VARS2: variants seen among roughly 807,000 people sequenced by gnomAD.
The protein encoded by VARS2 is valine--tRNA ligase, mitochondrial.
In VARS2, 105 loss-of-function variants were observed where a neutral mutation model predicts 154.1. The observed-to-expected ratio is 0.68, with a 90% CI of 0.58 to 0.80. The LOEUF is 0.80. Ranked by LOEUF, VARS2 falls within the 30% of genes least tolerant of loss-of-function variation. VARS2 has a pLI of 0.00. For missense variants in VARS2, 1,157 were observed against 1,361.4 expected (o/e 0.85, Z 2.36); for synonymous variants, 483 against 539.5 (o/e 0.90, Z 1.45).
At chr6:30,924,982 A>C (rs1794747968) in intron 26 of VARS2, among the ~76,000 whole-genome samples, 1 of 152,240 alleles carries the variant, frequency 6.6e-6, no homozygotes, top group African/African-American at 2.4e-5. Context: ...ATTTAAATTT[A>C]TACTTATTTG....
In VARS2 at chr6:30,926,305, A is replaced by G; in HGVS notation, c.*95A>G. The stretch of plus-strand genomic sequence containing the variant: ...AGGGTGCAGTGGGACGTCAGAGACT[A>G]TGTGGTCCATCGCCTTCATTGTGTA... On this transcript the variant is annotated 3_prime_UTR_variant, in exon 30 of 30. Coordinates refer to ENST00000676266, the MANE Select transcript of VARS2 (RefSeq NM_020442.6). The G allele has an allele frequency of 1.6e-6, 2 of 1,247,680 alleles. No homozygotes were observed. The highest frequency in any genetic ancestry group is 1.1e-6 in the Non-Finnish European group (1 of 871,460). The allele number at this position is 1,247,680 out of a possible 1,614,324, so 77.3% of individuals were successfully genotyped here.
At chr6:30,925,194 G>C in intron 26 of VARS2, 80 bp from the exon 27 acceptor site, 1 of 1,010,272 alleles carries the variant, frequency 9.9e-7, no homozygotes, top group Non-Finnish European at 1.5e-6. Context: ...GGGGTGGATG[G>C]GTCGAGAAGA....
intron 21 of VARS2, 52 bp from the exon 22 acceptor site, chr6:30,922,654 A>T: frequency 1.3e-6 from 2 of 1,591,174 alleles, no homozygotes; most frequent in Non-Finnish European, 1.7e-6. Context: ...TGTGACCCTT[A>T]TAGAGGCAGG....
At position 30,916,480 on chromosome 6, in the gene VARS2, T is replaced by TTTATA. The variant is rs1554266731; in HGVS notation, c.671+232_671+233insTATAT. On this transcript the variant is annotated intron_variant, in intron 7 of 29. Coordinates refer to ENST00000676266, the MANE Select transcript of VARS2 (RefSeq NM_020442.6). The surrounding 1 kb of genome is among the most constrained non-coding windows in gnomAD (Gnocchi z 4.0). ...TGTGTGTGTGTGTGTGTGTGTGTATTTATATATATATATATATTTTCTTTC... is the reference window on the plus strand; with the variant it reads ...TGTGTGTGTGTGTGTGTGTGTGTATTTTATATATATATATATATATATTTTCTTTC... 2 of 286,994 alleles carry TTTATA rather than the reference T, an allele frequency of 7.0e-6. No homozygotes were observed. The highest frequency in any genetic ancestry group is 1.2e-5 in the Non-Finnish European group (2 of 166,716). The allele number at this position is 286,994 out of a possible 1,614,324, so 17.8% of individuals were successfully genotyped here. A position where few individuals can be genotyped will look rare whatever the true frequency, so the allele number is the denominator to read the frequency against.
Position 30,921,564 on chromosome 6 carries a change from C to T in VARS2, c.1633-25C>T. 1 of 1,587,874 alleles carries T rather than the reference C, an allele frequency of 6.3e-7. No individual in the cohort carries two copies. Among genetic ancestry groups the T allele is most frequent in the Non-Finnish European group, 8.6e-7 (1 of 1,168,988 alleles). ...CCTGTCAGCTGTTCTTCCTCACTCT[C>T]CCCAACCCCTTCCTACTTTTGCAGG... On this transcript the variant is annotated intron_variant, in intron 17 of 29. Transcript: ENST00000676266. This position sits in a 1 kb window ranked among gnomAD's most constrained non-coding sequence, Gnocchi z 4.6.
intron 25 of VARS2, 169 bp downstream of exon 25, chr6:30,923,674 C>T: frequency 2.1e-6 from 2 of 960,202 alleles, no homozygotes; most frequent in Non-Finnish European, 3.0e-6. Context: ...CTGGTTTTGG[C>T]AGTGCAGCCC....
Position 30,917,125 on chromosome 6 carries a change from T to C in VARS2, c.774T>C (p.Thr258=), listed in dbSNP as rs1333722935. 1.9e-6 allele frequency: 3 copies of C among 1,614,060 alleles called. No individual in the cohort carries two copies. The highest frequency in any genetic ancestry group is 2.5e-6 in the Non-Finnish European group (3 of 1,180,036). Residue 258 remains threonine (T), a synonymous_variant, in exon 9 of 30, where the codon ACT becomes ACC. Transcript: ENST00000676266. This position sits in a 1 kb window ranked among gnomAD's most constrained non-coding sequence, Gnocchi z 4.4. The stretch of plus-strand genomic sequence containing the variant: ...TCCAGGGCTCCTCAGTGGCTGTGAC[T>C]GAAGCTTTTGTGCGGCTCTACAAGG... The part of the protein sequence containing the change: ...TMDVGSSVAV[T]EAFVRLYKAG...
In VARS2 at chr6:30,919,478, C is replaced by T; in HGVS notation, c.1075-280C>T. ...GGGATTACAGGCGTGAGCCGCCGCG[C>T]CTGGCTGCTTGCAGCCTTTATATTA... On this transcript the variant is annotated intron_variant, in intron 11 of 29. Transcript: ENST00000676266. The surrounding 1 kb of genome is among the most constrained non-coding windows in gnomAD (Gnocchi z 4.5). The T allele has an allele frequency of 3.1e-6, 1 of 319,110 alleles. No individual in the cohort carries two copies. The highest frequency in any genetic ancestry group is 5.7e-6 in the Non-Finnish European group (1 of 176,106). The allele number at this position is 319,110 out of a possible 1,614,324, so 19.8% of individuals were successfully genotyped here. A position where few individuals can be genotyped will look rare whatever the true frequency, so the allele number is the denominator to read the frequency against.
chr6:30,921,402 CAT>C lies in VARS2; in HGVS notation c.1632+98_1632+99del. The C allele has an allele frequency of 6.7e-7, 1 of 1,490,476 alleles. No homozygotes were observed. Among genetic ancestry groups the C allele is most frequent in the Non-Finnish European group, 9.3e-7 (1 of 1,077,656 alleles). 92.3% of individuals were successfully genotyped at this position (1,490,476 alleles called of 1,614,324 possible). ...GGGCCAAGTCCCGCTCCTGCCTGGT[CAT>C]GTGCTTCATGCTCATAGTCATGTAA... On this transcript the variant is annotated intron_variant, in intron 17 of 29. Transcript: ENST00000676266. The surrounding 1 kb of genome is among the most constrained non-coding windows in gnomAD (Gnocchi z 4.6).
Position 30,920,448 on chromosome 6 carries a change from T to G in VARS2, c.1397+12T>G. 6.3e-7 allele frequency: 1 copy of G among 1,595,694 alleles called. No individual in the cohort carries two copies. On this transcript the variant is annotated intron_variant, in intron 14 of 29. Transcript: ENST00000676266. The surrounding 1 kb of genome is among the most constrained non-coding windows in gnomAD (Gnocchi z 4.6). ...CTGCCCATCTGCAGGTAACCTCATT[T>G]TAACTCCTTTACTAAGGGCTACCCC... is the stretch of plus-strand genomic sequence containing the variant.
rs9262289 is a variant in VARS2 at position 30,917,909 on chromosome 6, T to A, written c.985+103T>A. The A allele has an allele frequency of 0.33, 394,545 of 1,197,684 alleles. 69,004 individuals are homozygous for A. Among genetic ancestry groups the A allele is most frequent in the Non-Finnish European group, 0.36 (297,954 of 834,574 alleles). 74.2% of individuals were successfully genotyped at this position (1,197,684 alleles called of 1,614,324 possible). On this transcript the variant is annotated intron_variant, in intron 10 of 29. Coordinates refer to ENST00000676266, the MANE Select transcript of VARS2 (RefSeq NM_020442.6). This position sits in a 1 kb window ranked among gnomAD's most constrained non-coding sequence, Gnocchi z 4.4. ...AACCCATCAGTCCATCTCTCACATG[T>A]ACCTTGGTAGTGTTCACCTCAGCGT...
In VARS2 at chr6:30,920,294, A is replaced by G. The variant is rs1014573803; in HGVS notation, c.1294-39A>G. On this transcript the variant is annotated intron_variant, in intron 13 of 29. Coordinates refer to ENST00000676266, the MANE Select transcript of VARS2 (RefSeq NM_020442.6). This position sits in a 1 kb window ranked among gnomAD's most constrained non-coding sequence, Gnocchi z 4.6. ...CCTCCTCCTAGTTTCTTATTTCTCT[A>G]GAGGCCTTCAGTCTTTACTCTTGCC... The G allele has an allele frequency of 2.7e-5, 43 of 1,583,282 alleles. No homozygotes were observed. Among genetic ancestry groups the G allele is most frequent in the Non-Finnish European group, 3.7e-5 (43 of 1,167,508 alleles).
In VARS2 at chr6:30,919,954, G is replaced by A; in HGVS notation, c.1165+106G>A. ...GAGTGGGAGATCCTCATATAGGGTGGTCTGAGTGGGGAATGGGAGGGAGGC... is the reference window on the plus strand; with the variant it reads ...GAGTGGGAGATCCTCATATAGGGTGATCTGAGTGGGGAATGGGAGGGAGGC... On this transcript the variant is annotated intron_variant, in intron 12 of 29. Coordinates refer to ENST00000676266, the MANE Select transcript of VARS2 (RefSeq NM_020442.6). This position sits in a 1 kb window ranked among gnomAD's most constrained non-coding sequence, Gnocchi z 4.5. The A allele has an allele frequency of 6.8e-7, 1 of 1,474,940 alleles. No individual in the cohort carries two copies. The highest frequency in any genetic ancestry group is 2.4e-5 in the East Asian group (1 of 42,448). The allele number at this position is 1,474,940 out of a possible 1,614,324, so 91.4% of individuals were successfully genotyped here.
chr6:30,921,823 C>G lies in VARS2; in HGVS notation c.1736-102C>G, dbSNP rs1794532403. The G allele has an allele frequency of 1.3e-6, 2 of 1,565,220 alleles. No individual in the cohort carries two copies. Among genetic ancestry groups the G allele is most frequent in the South Asian group, 1.1e-5 (1 of 88,624 alleles). On this transcript the variant is annotated intron_variant, in intron 18 of 29. Coordinates refer to ENST00000676266, the MANE Select transcript of VARS2 (RefSeq NM_020442.6). The surrounding 1 kb of genome is among the most constrained non-coding windows in gnomAD (Gnocchi z 4.6). ...GGGAATGGAGCCAAAGGGGACAGCCCTGGTCTCTGGGGGTGGGGGTTGGCC... is the reference window on the plus strand; with the variant it reads ...GGGAATGGAGCCAAAGGGGACAGCCGTGGTCTCTGGGGGTGGGGGTTGGCC...
rs1794213633 is a variant in VARS2 at position 30,916,939 on chromosome 6, G to A, written c.733G>A (p.Glu245Lys). The A allele has an allele frequency of 6.2e-7, 1 of 1,614,236 alleles. No homozygotes were observed. The highest frequency in any genetic ancestry group is 8.5e-7 in the Non-Finnish European group (1 of 1,180,044). The change falls in exon 8 of 30, where the codon GAG becomes AAG. Residue 245 changes from glutamate (E) to lysine (K), a missense_variant. Transcript: ENST00000676266. This position sits in a 1 kb window ranked among gnomAD's most constrained non-coding sequence, Gnocchi z 4.0. ...ALGASLDWDR[E>K]CFTMDVGSSV... is the part of the protein sequence containing the mutation. ...GGGTGCCTCCCTGGACTGGGATCGA[G>A]AGTGTTTTACCATGGATGTTGTGAG... is the stretch of plus-strand genomic sequence containing the variant.
chr6:30,926,404 C>T lies in VARS2; in HGVS notation c.*194C>T, dbSNP rs571026106. 268 of 618,600 alleles carry T rather than the reference C, an allele frequency of 4.3e-4. 1 individual carries two copies. Among genetic ancestry groups the T allele is most frequent in the Non-Finnish European group, 5.9e-4 (208 of 352,848 alleles). 38.3% of individuals were successfully genotyped at this position (618,600 alleles called of 1,614,324 possible). A position where few individuals can be genotyped will look rare whatever the true frequency, so the allele number is the denominator to read the frequency against. ...ATGCTCACATTACTGCCCGGCCTGC[C>T]TCCCACCTGGAAGTCTGGGAATGAG... is the stretch of plus-strand genomic sequence containing the variant. On this transcript the variant is annotated 3_prime_UTR_variant, in exon 30 of 30. Coordinates refer to ENST00000676266, the MANE Select transcript of VARS2 (RefSeq NM_020442.6).
In VARS2 at chr6:30,921,379, G is replaced by A; in HGVS notation, c.1632+74G>A. 1 of 1,564,058 alleles carries A rather than the reference G, an allele frequency of 6.4e-7. No individual in the cohort carries two copies. Among genetic ancestry groups the A allele is most frequent in the Non-Finnish European group, 8.8e-7 (1 of 1,138,002 alleles). On this transcript the variant is annotated intron_variant, in intron 17 of 29. Coordinates refer to ENST00000676266, the MANE Select transcript of VARS2 (RefSeq NM_020442.6). The surrounding 1 kb of genome is among the most constrained non-coding windows in gnomAD (Gnocchi z 4.6). ...AGCCCAGGAGTCAGAGCTCCGCAGG[G>A]CCAAGTCCCGCTCCTGCCTGGTCAT...
chr6:30,926,387 A>G lies in VARS2; in HGVS notation c.*177A>G. The stretch of plus-strand genomic sequence containing the variant: ...ACTGTGGTGTCCTTGAGATGCTCAC[A>G]TTACTGCCCGGCCTGCCTCCCACCT... On this transcript the variant is annotated 3_prime_UTR_variant, in exon 30 of 30. Coordinates refer to ENST00000676266, the MANE Select transcript of VARS2 (RefSeq NM_020442.6). 2 of 658,058 alleles carry G rather than the reference A, an allele frequency of 3.0e-6. No homozygotes were observed. Among genetic ancestry groups the G allele is most frequent in the Admixed American group, 2.9e-5 (1 of 35,008 alleles). The allele number at this position is 658,058 out of a possible 1,614,324, so 40.8% of individuals were successfully genotyped here. A position where few individuals can be genotyped will look rare whatever the true frequency, so the allele number is the denominator to read the frequency against.
rs765928958 is a variant in VARS2, at chr6:30,924,369, G to A, written c.2482G>A (p.Val828Met). Residue 828 changes from valine (V) to methionine (M), a missense_variant, in exon 26 of 30, where the codon GTG becomes ATG. Coordinates refer to ENST00000676266, the MANE Select transcript of VARS2 (RefSeq NM_020442.6). Reference protein sequence around the residue: ...CDVYLEAVKPVLWHSPRPLGP... With the variant: ...CDVYLEAVKPMLWHSPRPLGP... ...TCCTCTCCAGGAGGCTGTGAAGCCC[G>A]TGCTGTGGCACTCGCCCCGCCCCCT... 2.0e-5 allele frequency: 32 copies of A among 1,611,982 alleles called. No homozygotes were observed. The highest frequency in any genetic ancestry group is 6.7e-5 in the East Asian group (3 of 44,894).
Sources: gnomAD v4.1 joint callset for allele counts (sites outside exome capture counted in the v4.1 genomes callset) on GRCh38, gnomAD v4.1.1 for gene constraint, Gnocchi (gnomAD v3.1) non-coding constraint, MANE v1.5 for transcripts, NCBI Gene and HGNC (gene_info 2026-07-23, HGNC 2026-07-21) for gene names.